Variants in FBXL17 observed in about 807,000 individuals in gnomAD.
FBXL17 encodes the protein F-box and leucine rich repeat protein 17.
FBXL17 carries 22 observed loss-of-function variants against 66.2 expected under a neutral mutation model. The ratio of observed to expected loss-of-function variants is 0.33; its 90% CI spans 0.24 to 0.47. FBXL17 has a LOEUF of 0.47. Among genes scored for constraint, FBXL17 ranks in the 20% least tolerant of loss-of-function variants. The pLI, the probability that FBXL17 is intolerant of heterozygous loss-of-function variation, is 1.00. For synonymous variants in FBXL17, 474 were observed against 400.5 expected, an observed-to-expected ratio of 1.18 and a Z score of -2.19; for missense variants, 878 against 948.2, an observed-to-expected ratio of 0.93 and a Z score of 0.97.
chr5:108,348,226 A>G (rs1400540104), intron 4 of FBXL17, among the ~76,000 whole-genome samples, 173 bp downstream of exon 4: 1 of 152,218 alleles, frequency 6.6e-6, no homozygotes, highest in Non-Finnish European at 1.5e-5. Context: ...AACACCATCT[A>G]TTCAGTTAAA....
chr5:108,011,308 CAT>C (rs1754160957), intron 7 of FBXL17, among the ~76,000 whole-genome samples: 1 of 152,146 alleles, frequency 6.6e-6, no homozygotes, highest in Non-Finnish European at 1.5e-5. Flanking sequence ...GAATAGAAGA[CAT>C]ATGGTTTGAT....
intron 4 of FBXL17, among the ~76,000 whole-genome samples, chr5:108,305,257 A>G (rs912595532): frequency 2.0e-5 from 3 of 152,070 alleles, no homozygotes; most frequent in African/African-American, 7.2e-5. Flanking sequence ...CTGAATGATG[A>G]GAACACACAG....
chr5:108,251,729 T>C (rs769411136), intron 4 of FBXL17, among the ~76,000 whole-genome samples: 4 of 152,108 alleles, frequency 2.6e-5, no homozygotes, highest in Non-Finnish European at 5.9e-5. Flanking sequence ...CTCCACATTA[T>C]ATAAACTCTT....
At chr5:108,129,257 T>C (rs1750832914) in intron 6 of FBXL17, among the ~76,000 whole-genome samples, 1 of 152,128 alleles carries the variant, frequency 6.6e-6, no homozygotes, top group South Asian at 2.1e-4. Flanking sequence ...ACCAATTTGT[T>C]CTATAGTTGT....
intron 4 of FBXL17, among the ~76,000 whole-genome samples, chr5:108,289,860 A>C (rs1355772163): frequency 1.3e-5 from 2 of 152,182 alleles, no homozygotes; most frequent in Non-Finnish European, 2.9e-5. Context: ...AATATTTGGT[A>C]ACTCTTGGTC....
chr5:107,874,089 T>A (rs1748540828), intron 8 of FBXL17, among the ~76,000 whole-genome samples: 1 of 152,176 alleles, frequency 6.6e-6, no homozygotes, highest in South Asian at 2.1e-4. Context: ...GTCTTCACTC[T>A]CTGCTCAAAA....
chr5:107,914,711 A>C (rs369323006), intron 7 of FBXL17, among the ~76,000 whole-genome samples: 22 of 152,322 alleles, frequency 1.4e-4, no homozygotes, highest in East Asian at 1.4e-3. Flanking sequence ...GGTACTTATG[A>C]GGTGTAAGGT....
At chr5:108,126,338 C>T (rs1466496579) in intron 6 of FBXL17, among the ~76,000 whole-genome samples, 1 of 152,090 alleles carries the variant, frequency 6.6e-6, no homozygotes, top group African/African-American at 2.4e-5. Context: ...CAGGTTCACT[C>T]ACTTCCCTCT....
At chr5:108,370,685 G>A (rs1039290591) in intron 1 of FBXL17, among the ~76,000 whole-genome samples, 11 of 151,516 alleles carry the variant, frequency 7.3e-5, no homozygotes, top group South Asian at 2.1e-4. Flanking sequence ...GAAGGTTGCA[G>A]TAAGCCAAGA....
intron 6 of FBXL17, among the ~76,000 whole-genome samples, chr5:108,057,251 A>T (rs553574996): frequency 1.1e-4 from 16 of 152,328 alleles, no homozygotes; most frequent in African/African-American, 3.8e-4. Flanking sequence ...TCACATCAGA[A>T]ATTAATTTGA....
intron 4 of FBXL17, among the ~76,000 whole-genome samples, chr5:108,232,805 A>AT (rs70996987): frequency 4.8e-5 from 5 of 105,132 alleles, no homozygotes; most frequent in East Asian, 2.6e-4. Flanking sequence ...ATATATATAT[A>AT]ATATATACTA....
intron 4 of FBXL17, among the ~76,000 whole-genome samples, chr5:108,246,713 G>T (rs1756114083): frequency 6.6e-6 from 1 of 152,120 alleles, no homozygotes; most frequent in South Asian, 2.1e-4. Flanking sequence ...GATAATGCAA[G>T]TAAAGAATTC....
At chr5:108,297,982 T>C in intron 4 of FBXL17, 1 of 982,376 alleles carries the variant, frequency 1.0e-6, no homozygotes, top group Non-Finnish European at 1.2e-6. Flanking sequence ...ATGACCCAAC[T>C]GACTGAATTC....
intron 4 of FBXL17, chr5:108,299,435 GAC>G (rs1272609593): frequency 5.3e-6 from 5 of 947,962 alleles, no homozygotes; most frequent in Non-Finnish European, 5.0e-6. Context: ...AAAAAACAAA[GAC>G]ACACTAGTTT....
chr5:107,937,453 T>C (rs541083451), intron 7 of FBXL17, among the ~76,000 whole-genome samples: 1 of 152,228 alleles, frequency 6.6e-6, no homozygotes, highest in African/African-American at 2.4e-5. Flanking sequence ...CTGTTGTAGG[T>C]TGTCATGGGA....
Position 108,381,038 on chromosome 5 carries a change from C to G in FBXL17, c.654G>C (p.Gly218=), listed in dbSNP as rs1426795551. 8.3e-7 allele frequency: 1 copy of G among 1,200,362 alleles called. No individual in the cohort carries two copies. Among genetic ancestry groups the G allele is most frequent in the Non-Finnish European group, 1.0e-6 (1 of 968,202 alleles). 74.4% of individuals were successfully genotyped at this position (1,200,362 alleles called of 1,614,324 possible). A position where few individuals can be genotyped will look rare whatever the true frequency, so the allele number is the denominator to read the frequency against. ...TPCKQPRCGG[G]GCGGGGGGGG... ...CGCCGCCGCCGCCGCCGCCGCAGCC[C>G]CCGCCGCCGCAGCGGGGCTGCTTGC... Residue 218 remains glycine (G), a synonymous_variant, in exon 1 of 9, where the codon GGG becomes GGC. Transcript: ENST00000542267.
At chr5:107,941,193 A>T (rs1751082702) in intron 7 of FBXL17, among the ~76,000 whole-genome samples, 1 of 152,130 alleles carries the variant, frequency 6.6e-6, no homozygotes, top group Non-Finnish European at 1.5e-5. Flanking sequence ...GGTGTGTACC[A>T]GGGTGCTGAA....
intron 3 of FBXL17, among the ~76,000 whole-genome samples, chr5:108,356,368 A>T (rs1274942367): frequency 3.3e-5 from 5 of 152,176 alleles, no homozygotes. Context: ...GCCCATGCAA[A>T]AACCTACACA....
At chr5:108,175,079 T>C (rs555718265) in intron 6 of FBXL17, among the ~76,000 whole-genome samples, 17 of 152,318 alleles carry the variant, frequency 1.1e-4, no homozygotes, top group African/African-American at 3.1e-4. Flanking sequence ...TCTGAACCAA[T>C]TGCCTGGATT....
Sources: allele counts gnomAD v4.1 joint callset (sites outside exome capture counted in the v4.1 genomes callset), GRCh38; gene constraint gnomAD v4.1.1; transcripts MANE v1.5; gene names NCBI Gene and HGNC (gene_info 2026-07-23, HGNC 2026-07-21).